The following HDAC7 variants were observed in gnomAD, a reference collection of about 807,000 sequenced individuals.
HDAC7 encodes histone deacetylase 7.
In HDAC7, 26 loss-of-function variants were observed where a neutral mutation model predicts 115.5. That is an observed-to-expected ratio of 0.23 (90% CI 0.16 to 0.31). The LOEUF (loss-of-function observed/expected upper bound fraction) is 0.31, where lower values mean the gene tolerates loss of function less well. Ranked by LOEUF, HDAC7 falls within the 10% of genes least tolerant of loss-of-function variation. The pLI is 1.00. For synonymous variants in HDAC7, 564 were observed against 550.9 expected (o/e 1.02, Z -0.33); for missense variants, 1,068 against 1,329.0 (o/e 0.80, Z 3.05).
In HDAC7 at chr12:47,795,831, G is replaced by C. The variant is rs1002715344; in HGVS notation, c.907-64C>G. ...CCAGCAGAGAACAATGAAGATGATG[G>C]GGTGAGGCAGCAAGAAAAGGGAGTG... On this transcript the variant is annotated intron_variant, in intron 9 of 25. Coordinates refer to ENST00000080059, the MANE Select transcript of HDAC7 (RefSeq NM_015401.5). This position sits in a 1 kb window ranked among gnomAD's most constrained non-coding sequence, Gnocchi z 4.3. 13 of 1,527,428 alleles carry C rather than the reference G, an allele frequency of 8.5e-6. No individual in the cohort carries two copies. The Middle Eastern group carries it at 6.7e-4, about 79-fold the overall frequency. The allele number at this position is 1,527,428 out of a possible 1,614,324, so 94.6% of individuals were successfully genotyped here.
At chr12:47,796,909 G>T in intron 7 of HDAC7, 108 bp downstream of exon 7, 3 of 1,277,444 alleles carry the variant, frequency 2.3e-6, no homozygotes, top group Non-Finnish European at 2.1e-6. Context: ...ATGCAACCAC[G>T]CATGGCAGTC....
chr12:47,795,064 A>T lies in HDAC7; in HGVS notation c.1284+120T>A. On this transcript the variant is annotated intron_variant, in intron 11 of 25. Transcript: ENST00000080059. This position sits in a 1 kb window ranked among gnomAD's most constrained non-coding sequence, Gnocchi z 4.3. ...TGCCATGCAGCTCTGGGCCCCAAGA[A>T]GCCACATCCCCCTCTTTTGCCCTCC... 7.6e-7 allele frequency: 1 copy of T among 1,316,198 alleles called. No individual in the cohort carries two copies. The highest frequency in any genetic ancestry group is 1.1e-6 in the Non-Finnish European group (1 of 943,034). 81.5% of individuals were successfully genotyped at this position (1,316,198 alleles called of 1,614,324 possible). A position where few individuals can be genotyped will look rare whatever the true frequency, so the allele number is the denominator to read the frequency against.
upstream of HDAC7, among the ~76,000 whole-genome samples, chr12:47,820,826 C>T (rs1944999062): frequency 6.6e-6 from 1 of 151,766 alleles, no homozygotes; most frequent in African/African-American, 2.4e-5. This position sits in a 1 kb window ranked among gnomAD's most constrained non-coding sequence, Gnocchi z 4.3. Context: ...GTCTGTGAGT[C>T]GGAATGCAGC....
At chr12:47,799,174 T>C (rs2136992041) in intron 2 of HDAC7, 1 of 551,880 alleles carries the variant, frequency 1.8e-6, no homozygotes, top group South Asian at 2.7e-5. Context: ...AAAAGTCACA[T>C]GAACTGTGCA....
chr12:47,815,034 CACTGCATATCTGT>C (rs1246042941), intron 1 of HDAC7, among the ~76,000 whole-genome samples: 1 of 152,220 alleles, frequency 6.6e-6, no homozygotes, highest in Non-Finnish European at 1.5e-5. Context: ...CCTGTGTGTT[CACTGCATATCTGT>C]ACCCAGTGCC....
At chr12:47,794,115 A>T (rs1029897790) in intron 12 of HDAC7, among the ~76,000 whole-genome samples, 1 of 152,128 alleles carries the variant, frequency 6.6e-6, no homozygotes, top group East Asian at 1.9e-4. Context: ...TCCTTATAGG[A>T]AGAGGAAATC....
intron 1 of HDAC7, among the ~76,000 whole-genome samples, chr12:47,810,840 C>CTG (rs1944629137): frequency 1.0e-5 from 1 of 95,354 alleles, no homozygotes; most frequent in East Asian, 2.3e-4. Flanking sequence ...CTCTCTCTCT[C>CTG]TCTCTCTATC....
intron 1 of HDAC7, among the ~76,000 whole-genome samples, chr12:47,817,187 G>A (rs1176152063): frequency 6.6e-6 from 1 of 152,180 alleles, no homozygotes; most frequent in African/African-American, 2.4e-5. Flanking sequence ...CCAGCTCACT[G>A]CTCTCACAGC....
chr12:47,785,935 C>G (rs748592593), intron 22 of HDAC7, 50 bp from the exon 23 acceptor site: 15 of 1,519,130 alleles, frequency 9.9e-6, no homozygotes, highest in Admixed American at 2.0e-5. Flanking sequence ...GAGAGGTGAC[C>G]CTGTTCTCTA....
chr12:47,785,917 C>T (rs747630920), intron 22 of HDAC7, 32 bp from the exon 23 acceptor site: 119 of 1,556,000 alleles, frequency 7.6e-5, no homozygotes, highest in African/African-American at 2.4e-4. Flanking sequence ...ATGGGAGGGG[C>T]GGGAGTGGAG....
chr12:47,795,156 A>G lies in HDAC7; in HGVS notation c.1284+28T>C. 1 of 1,580,310 alleles carries G rather than the reference A, an allele frequency of 6.3e-7. No individual in the cohort carries two copies. The highest frequency in any genetic ancestry group is 8.7e-7 in the Non-Finnish European group (1 of 1,154,350). The stretch of plus-strand genomic sequence containing the variant: ...TAAGTCCCCAGTTAAACACTCCCTC[A>G]ATACCTCCACTGCCCAATTCCTCTC... On this transcript the variant is annotated intron_variant, in intron 11 of 25. Transcript: ENST00000080059. This position sits in a 1 kb window ranked among gnomAD's most constrained non-coding sequence, Gnocchi z 4.3.
chr12:47,798,875 G>C lies in HDAC7; in HGVS notation c.168C>G (p.Pro56=). The C allele has an allele frequency of 6.4e-7, 1 of 1,550,678 alleles. No individual in the cohort carries two copies. Among genetic ancestry groups the C allele is most frequent in the Non-Finnish European group, 8.7e-7 (1 of 1,149,628 alleles). ...QRPPVEPPPE[P]TLLALQRPQR... is the part of the protein sequence containing the mutation. ...GGGGACGCTGCAGGGCCAGCAATGT[G>C]GGCTCTGGTGGGGGCTCCACTGGGG... Residue 56 remains proline (P), a synonymous_variant, in exon 3 of 26, where the codon CCC becomes CCG. Transcript: ENST00000080059. This position sits in a 1 kb window ranked among gnomAD's most constrained non-coding sequence, Gnocchi z 4.3.
At position 47,795,727 on chromosome 12, in the gene HDAC7, C is replaced by A; in HGVS notation, c.947G>T (p.Arg316Leu). 1 of 1,545,398 alleles carries A rather than the reference C, an allele frequency of 6.5e-7. No individual in the cohort carries two copies. Among genetic ancestry groups the A allele is most frequent in the East Asian group, 2.4e-5 (1 of 40,976 alleles). ...GTGGGGGCTCCCCAGGATTGGCCCC[C>A]GAGGGCCCAGAGTCGGATGGGTCCT... The part of the protein sequence containing the change: ...DRRTHPTLGP[R>L]GPILGSPHTP... Residue 316 changes from arginine (R) to leucine (L), a missense_variant, in exon 10 of 26, where the codon CGG becomes CTG. By Grantham distance (102) the Arg-to-Leu change is moderately radical (BLOSUM62 -2). Transcript: ENST00000080059. The surrounding 1 kb of genome is among the most constrained non-coding windows in gnomAD (Gnocchi z 4.3).
chr12:47,789,192 T>A lies in HDAC7; in HGVS notation c.2235+69A>T, dbSNP rs561057736. ...CAGAACTAAGACATGAAGCCGCATCTCTAACATCAGGCTCAGGGCTTTTCC... is the reference window on the plus strand; with the variant it reads ...CAGAACTAAGACATGAAGCCGCATCACTAACATCAGGCTCAGGGCTTTTCC... On this transcript the variant is annotated intron_variant, in intron 19 of 25. Coordinates refer to ENST00000080059, the MANE Select transcript of HDAC7 (RefSeq NM_015401.5). 7 of 1,201,768 alleles carry A rather than the reference T, an allele frequency of 5.8e-6. No homozygotes were observed. The African/African-American group carries it at 9.0e-5, about 15-fold the overall frequency. 74.4% of individuals were successfully genotyped at this position (1,201,768 alleles called of 1,614,324 possible).
intron 1 of HDAC7, among the ~76,000 whole-genome samples, chr12:47,818,496 A>T (rs1274147994): frequency 6.6e-6 from 1 of 152,144 alleles, no homozygotes; most frequent in Admixed American, 6.5e-5. Context: ...GAGTCCTGGG[A>T]GGGGGAAAGG....
At chr12:47,805,257 T>G (rs1448638704) in intron 1 of HDAC7, among the ~76,000 whole-genome samples, 5 of 147,448 alleles carry the variant, frequency 3.4e-5, no homozygotes, top group Admixed American at 6.7e-5. Flanking sequence ...TTTTGTTTTG[T>G]TGTTTTTTTT....
chr12:47,798,842 C>G lies in HDAC7; in HGVS notation c.201G>C (p.Leu67=). ...TLLALQRPQR[L]HHHLFLAGLQ... is the part of the protein sequence containing the mutation. ...GGCCTGCTAGGAAGAGGTGGTGGTG[C>G]AGGCGCTGGGGACGCTGCAGGGCCA... The change falls in exon 3 of 26, where the codon CTG becomes CTC. Residue 67 remains leucine, a synonymous_variant. Coordinates refer to ENST00000080059, the MANE Select transcript of HDAC7 (RefSeq NM_015401.5). This position sits in a 1 kb window ranked among gnomAD's most constrained non-coding sequence, Gnocchi z 4.3. 1 of 1,560,078 alleles carries G rather than the reference C, an allele frequency of 6.4e-7. No homozygotes were observed. The highest frequency in any genetic ancestry group is 8.7e-7 in the Non-Finnish European group (1 of 1,151,846).
rs1457809957 is a variant in HDAC7, at chr12:47,789,297, C to T, written c.2199G>A (p.Gln733=). 1 of 1,614,044 alleles carries T rather than the reference C, an allele frequency of 6.2e-7. No homozygotes were observed. The highest frequency in any genetic ancestry group is 8.5e-7 in the Non-Finnish European group (1 of 1,180,004). ...SVAIACRQLQ[Q]QSKASKILIV... is the part of the protein sequence containing the mutation. ...TGAGGATCTTGCTGGCCTTGCTCTG[C>T]TGTTGCAGCTGCCGGCAGGCGATGG... The change falls in exon 19 of 26, where the codon CAG becomes CAA. Residue 733 remains glutamine, a synonymous_variant. Coordinates refer to ENST00000080059, the MANE Select transcript of HDAC7 (RefSeq NM_015401.5).
Position 47,797,206 on chromosome 12 carries a change from T to A in HDAC7, c.578-64A>T. On this transcript the variant is annotated intron_variant, in intron 6 of 25. Coordinates refer to ENST00000080059, the MANE Select transcript of HDAC7 (RefSeq NM_015401.5). This position sits in a 1 kb window ranked among gnomAD's most constrained non-coding sequence, Gnocchi z 5.5. ...CTTCTTTTTTCCACCCTTTAACCCC[T>A]CAGTCCCAGTCATCTCTATCGGTCA... The A allele has an allele frequency of 6.4e-7, 1 of 1,559,920 alleles. No individual in the cohort carries two copies. Among genetic ancestry groups the A allele is most frequent in the Non-Finnish European group, 8.7e-7 (1 of 1,150,720 alleles).
Sources: gnomAD v4.1 joint callset for allele counts (sites outside exome capture counted in the v4.1 genomes callset) on GRCh38, gnomAD v4.1.1 for gene constraint, Gnocchi (gnomAD v3.1) non-coding constraint, MANE v1.5 for transcripts, NCBI Gene and HGNC (gene_info 2026-07-23, HGNC 2026-07-21) for gene names.